Variants in CFAP54 observed in about 807,000 individuals in gnomAD.
CFAP54 encodes the protein cilia and flagella associated protein 54.
CFAP54 carries 290 observed loss-of-function variants against 370.4 expected under a neutral mutation model. That is an observed-to-expected ratio of 0.78 (90% CI 0.71 to 0.86). The LOEUF (loss-of-function observed/expected upper bound fraction) is 0.86, where lower values mean the gene tolerates loss of function less well. CFAP54 is among the 40% of genes least tolerant of loss of function. The pLI is 0.00. For missense variants in CFAP54, 3,399 were observed against 3,528.7 expected (o/e 0.96, Z 0.93); for synonymous variants, 1,206 against 1,236.5 (o/e 0.98, Z 0.52).
chr12:96,841,056 G>T (rs1959210875), intron 66 of CFAP54, among the ~76,000 whole-genome samples: 1 of 152,222 alleles, frequency 6.6e-6, no homozygotes, highest in Non-Finnish European at 1.5e-5. Flanking sequence ...GGAACCTGAA[G>T]CCTTTGTGTT....
chr12:96,741,277 CT>C (rs200493036), intron 51 of CFAP54, among the ~76,000 whole-genome samples: 2,369 of 152,256 alleles, frequency 0.016, 75 homozygotes, highest in African/African-American at 0.055. Flanking sequence ...AGCAATTCTC[CT>C]GACTCAGCCT....
chr12:96,709,253 T>G (rs1340846243), intron 48 of CFAP54, among the ~76,000 whole-genome samples: 1 of 152,212 alleles, frequency 6.6e-6, no homozygotes, highest in African/African-American at 2.4e-5. Context: ...AGAGGAATGA[T>G]TGAATAAGAA....
In CFAP54 at chr12:96,664,816, T is replaced by G. The variant is rs1263653875; in HGVS notation, c.5563+884T>G. 6.1e-5 allele frequency among the ~76,000 whole-genome samples: 8 copies of G among 131,302 alleles called. No individual in the cohort carries two copies. In the East Asian group the frequency reaches 9.8e-4, roughly 16 times the overall value. The allele number at this position is 131,302 out of a possible 152,430, so 86.1% of individuals were successfully genotyped here. The stretch of plus-strand genomic sequence containing the variant: ...ATATATATATATATATATATATAGA[T>G]ATATATATGTATATCCCATAATGGG... On this transcript the variant is annotated intron_variant, in intron 39 of 67. Coordinates refer to ENST00000524981, the MANE Select transcript of CFAP54 (RefSeq NM_001306084.2).
chr12:96,784,784 C>T lies in CFAP54; in HGVS notation c.8349C>T (p.Ser2783=), dbSNP rs117320250. The change falls in exon 61 of 68, where the codon AGC becomes AGT. Residue 2783 remains serine, a synonymous_variant. Transcript: ENST00000524981. ...FLYQNDDVCD[S]ADGRKKTQTK... is the part of the protein sequence containing the mutation. ...ACCAAAATGATGATGTGTGTGACAG[C>T]GCAGATGGTAGAAAAAAGACTCAGA... 442 of 1,534,622 alleles carry T rather than the reference C, an allele frequency of 2.9e-4. 3 individuals carry two copies. The East Asian group carries it at 6.7e-3, about 23-fold the overall frequency.
chr12:96,579,207 T>C (rs1392014166), intron 20 of CFAP54, among the ~76,000 whole-genome samples: 2 of 152,060 alleles, frequency 1.3e-5, no homozygotes, highest in Non-Finnish European at 2.9e-5. Flanking sequence ...TTTTCTACCC[T>C]ATTCTCCAGC....
At chr12:96,745,333 A>G (rs1432604695) in intron 55 of CFAP54, among the ~76,000 whole-genome samples, 1 of 152,116 alleles carries the variant, frequency 6.6e-6, no homozygotes. Context: ...TTTCTCTGCA[A>G]CCTTGCCAGC....
Position 96,693,803 on chromosome 12 carries a change from C to T in CFAP54, c.6346C>T (p.Leu2116Phe). Residue 2116 changes from leucine (L) to phenylalanine (F), a missense_variant, in exon 45 of 68, where the codon CTC (leucine) becomes TTC (phenylalanine). Coordinates refer to ENST00000524981, the MANE Select transcript of CFAP54 (RefSeq NM_001306084.2). ...AACAAGAAATCTAGAAGCAAGAATC[C>T]TCAAGGTATGTTACAAGCTTTTAAG... ...DITRNLEARI[L>F]KIEVLIDLRF... 6.4e-7 allele frequency: 1 copy of T among 1,562,910 alleles called. No individual in the cohort carries two copies. Among genetic ancestry groups the T allele is most frequent in the Non-Finnish European group, 8.8e-7 (1 of 1,137,064 alleles).
At chr12:96,806,308 G>T (rs1958882436) in intron 63 of CFAP54, among the ~76,000 whole-genome samples, 1 of 149,290 alleles carries the variant, frequency 6.7e-6, no homozygotes, top group Admixed American at 6.7e-5. Flanking sequence ...AAAGGCCATA[G>T]AAGACTCAGA....
At chr12:96,768,632 T>C (rs546896200) in intron 60 of CFAP54, among the ~76,000 whole-genome samples, 1 of 152,282 alleles carries the variant, frequency 6.6e-6, no homozygotes, top group East Asian at 1.9e-4. Context: ...CACTCCAGCC[T>C]GGGTGACAGA....
At chr12:96,616,493 C>T (rs1037673029) in intron 26 of CFAP54, among the ~76,000 whole-genome samples, 1 of 151,980 alleles carries the variant, frequency 6.6e-6, no homozygotes, top group Non-Finnish European at 1.5e-5. Context: ...CACATGTACC[C>T]TAGAACTTAA....
intron 60 of CFAP54, among the ~76,000 whole-genome samples, chr12:96,777,287 T>G (rs1207042327): frequency 6.6e-6 from 1 of 152,100 alleles, no homozygotes. Flanking sequence ...ATGAAAAAAG[T>G]GTGTGCTCAA....
chr12:96,568,402 A>T (rs974028131), intron 19 of CFAP54, among the ~76,000 whole-genome samples: 1 of 152,102 alleles, frequency 6.6e-6, no homozygotes, highest in African/African-American at 2.4e-5. Flanking sequence ...AACGAGGAAC[A>T]TGTCGAATAT....
chr12:96,641,973 A>G (rs538588326), intron 32 of CFAP54, among the ~76,000 whole-genome samples: 100 of 151,844 alleles, frequency 6.6e-4, no homozygotes, highest in African/African-American at 2.4e-3. Context: ...GATATACCTG[A>G]TGTTAAATGA....
intron 9 of CFAP54, 39 bp from the exon 10 acceptor site, chr12:96,533,753 G>A: frequency 7.3e-7 from 1 of 1,361,686 alleles, no homozygotes; most frequent in Non-Finnish European, 9.8e-7. Flanking sequence ...ATATTTATTT[G>A]CATGAGTGAT....
intron 50 of CFAP54, among the ~76,000 whole-genome samples, chr12:96,736,340 A>C (rs1957980260): frequency 6.6e-6 from 1 of 152,076 alleles, no homozygotes; most frequent in Admixed American, 6.5e-5. Flanking sequence ...AGAGAGAGAG[A>C]GAGCACAAGA....
chr12:96,504,998 CTTT>C, intron 3 of CFAP54, among the ~76,000 whole-genome samples: 1 of 95,676 alleles, frequency 1.0e-5, no homozygotes, highest in South Asian at 3.7e-4. Flanking sequence ...CTTTCTTTTT[CTTT>C]CTTTCTTTCT....
intron 50 of CFAP54, among the ~76,000 whole-genome samples, chr12:96,724,975 C>T (rs1957811602): frequency 6.6e-6 from 1 of 152,114 alleles, no homozygotes; most frequent in African/African-American, 2.4e-5. Context: ...TGTCAAAGAT[C>T]AGATAGTTTT....
intron 63 of CFAP54, among the ~76,000 whole-genome samples, chr12:96,800,975 C>CTA (rs1248219870): frequency 6.6e-6 from 1 of 152,184 alleles, no homozygotes; most frequent in African/African-American, 2.4e-5. Flanking sequence ...ATAGGCACTT[C>CTA]TAGCTTCTTG....
At chr12:96,592,198 T>C (rs190329212) in intron 23 of CFAP54, among the ~76,000 whole-genome samples, 122 of 152,262 alleles carry the variant, frequency 8.0e-4, no homozygotes, top group Middle Eastern at 3.4e-3. Context: ...AATTGGACAG[T>C]GACATCTAGA....
Sources: gnomAD v4.1 joint callset for allele counts (sites outside exome capture counted in the v4.1 genomes callset) on GRCh38, gnomAD v4.1.1 for gene constraint, MANE v1.5 for transcripts, NCBI Gene and HGNC (gene_info 2026-07-23, HGNC 2026-07-21) for gene names.